TSPEAR: variants seen among roughly 807,000 people sequenced by gnomAD.
TSPEAR encodes the protein thrombospondin type laminin G domain and EAR repeats.
In TSPEAR, 69 loss-of-function variants were observed where a neutral mutation model predicts 71.6. The ratio of observed to expected loss-of-function variants is 0.96; its 90% CI spans 0.79 to 1.18. The LOEUF is 1.18. TSPEAR is among the 50% of genes most tolerant of loss of function. The pLI is 0.00. For synonymous variants in TSPEAR, 402 were observed against 387.2 expected, an observed-to-expected ratio of 1.04 and a Z score of -0.45; for missense variants, 971 against 894.9, an observed-to-expected ratio of 1.09 and a Z score of -1.09.
At chr21:44,706,770 G>A (rs1555952469) in intron 1 of TSPEAR, among the ~76,000 whole-genome samples, 3 of 152,150 alleles carry the variant, frequency 2.0e-5, no homozygotes, top group African/African-American at 4.8e-5. Flanking sequence ...GAAGCGAGGC[G>A]AGCTTCTCTT....
chr21:44,673,725 T>G (rs587600321), intron 1 of TSPEAR, among the ~76,000 whole-genome samples: 8 of 152,208 alleles, frequency 5.3e-5, no homozygotes, highest in African/African-American at 1.4e-4. Flanking sequence ...AAAACAAGTC[T>G]CAACTAACTT....
At position 44,711,003 on chromosome 21, in the gene TSPEAR, G is replaced by A. The variant is rs566094580; in HGVS notation, c.82+430C>T. Among the ~76,000 whole-genome samples, 12 of 152,314 alleles carry A rather than the reference G, an allele frequency of 7.9e-5. No homozygotes were observed. The highest frequency in any genetic ancestry group is 1.5e-4 in the Non-Finnish European group (10 of 68,026). On this transcript the variant is annotated intron_variant, in intron 1 of 11. Transcript: ENST00000323084. The surrounding 1 kb of genome is among the most constrained non-coding windows in gnomAD (Gnocchi z 4.5). ...AGGAGCAGGGCCGGTGTGGCCCTTC[G>A]CTTTGCTGAGTGCAGGCTGGGGGCA...
At chr21:44,650,005 C>G (rs957739824) in intron 1 of TSPEAR, among the ~76,000 whole-genome samples, 1 of 152,136 alleles carries the variant, frequency 6.6e-6, no homozygotes, top group Non-Finnish European at 1.5e-5. Context: ...GAGGACCACT[C>G]GAGCCCAGGA....
At chr21:44,679,144 C>G (rs1398601045) in intron 1 of TSPEAR, among the ~76,000 whole-genome samples, 1 of 152,126 alleles carries the variant, frequency 6.6e-6, no homozygotes, top group Non-Finnish European at 1.5e-5. Flanking sequence ...TACCACCACC[C>G]AAGACACAGA....
At chr21:44,599,681 A>G (rs1164386378) in intron 1 of TSPEAR, among the ~76,000 whole-genome samples, 2 of 152,264 alleles carry the variant, frequency 1.3e-5, no homozygotes, top group East Asian at 3.8e-4. Flanking sequence ...ACAATTGGAA[A>G]CATTTAGCAG....
chr21:44,660,620 C>A (rs374790211), intron 1 of TSPEAR, among the ~76,000 whole-genome samples: 60 of 152,326 alleles, frequency 3.9e-4, no homozygotes, highest in Middle Eastern at 3.4e-3. Context: ...TAAAAAATTT[C>A]TTTGAGCCAA....
intron 1 of TSPEAR, chr21:44,666,147 A>G (rs782305960): frequency 3.3e-5 from 13 of 399,794 alleles, no homozygotes; most frequent in Non-Finnish European, 5.8e-5. Flanking sequence ...AATAGATAGC[A>G]GGGAGTATGG....
intron 8 of TSPEAR, among the ~76,000 whole-genome samples, chr21:44,525,147 CAGGT>C (rs1427293126): frequency 6.6e-6 from 1 of 151,052 alleles, no homozygotes; most frequent in Admixed American, 6.6e-5. Flanking sequence ...GTCAGACAGT[CAGGT>C]AGTTAGTCAG....
rs1355958111 is a variant in TSPEAR at position 44,520,794 on chromosome 21, C to G, written c.1566+1089G>C. On this transcript the variant is annotated intron_variant, in intron 9 of 11. Coordinates refer to ENST00000323084, the MANE Select transcript of TSPEAR (RefSeq NM_144991.3). This position sits in a 1 kb window ranked among gnomAD's most constrained non-coding sequence, Gnocchi z 4.2. ...TTATGTATGGAATGTTCCAGAATGC[C>G]TTCAATCATTTCAGCCATAAAGCCC... 1 of 152,264 alleles carries G rather than the reference C, an allele frequency of 6.6e-6. No homozygotes were observed. Among genetic ancestry groups the G allele is most frequent in the Non-Finnish European group, 1.5e-5 (1 of 68,070 alleles). 9.4% of individuals were successfully genotyped at this position (152,264 alleles called of 1,614,324 possible). A position where few individuals can be genotyped will look rare whatever the true frequency, so the allele number is the denominator to read the frequency against.
intron 1 of TSPEAR, among the ~76,000 whole-genome samples, chr21:44,607,344 C>T (rs1287049485): frequency 2.6e-5 from 4 of 152,238 alleles, no homozygotes. Flanking sequence ...TCCCAAAGTG[C>T]TGGGATTACA....
At chr21:44,503,542 G>T (rs1601315742) in intron 11 of TSPEAR, among the ~76,000 whole-genome samples, 1 of 125,650 alleles carries the variant, frequency 8.0e-6, no homozygotes, top group East Asian at 2.5e-4. Flanking sequence ...CGGCCTTGGT[G>T]AGCCCACAGT....
intron 1 of TSPEAR, among the ~76,000 whole-genome samples, chr21:44,611,100 T>C (rs1981637622): frequency 6.6e-6 from 1 of 152,178 alleles, no homozygotes; most frequent in African/African-American, 2.4e-5. Context: ...TGTGGACTTT[T>C]GGGTTAATGC....
intron 2 of TSPEAR, chr21:44,558,794 C>A: frequency 6.6e-7 from 1 of 1,518,862 alleles, no homozygotes; most frequent in South Asian, 1.3e-5. Flanking sequence ...AGTGAGTGAT[C>A]GTGCCAGGCC....
intron 1 of TSPEAR, chr21:44,575,179 C>G: frequency 1.3e-6 from 1 of 796,888 alleles, no homozygotes; most frequent in Non-Finnish European, 2.0e-6. Flanking sequence ...TGCTGCAGCC[C>G]TCTTGCGGGG....
chr21:44,575,107 T>C lies in TSPEAR; in HGVS notation c.83-7102A>G, dbSNP rs1978345423. 4 of 1,226,078 alleles carry C rather than the reference T, an allele frequency of 3.3e-6. No individual in the cohort carries two copies. The African/African-American group carries it at 6.1e-5, about 19-fold the overall frequency. 75.9% of individuals were successfully genotyped at this position (1,226,078 alleles called of 1,614,324 possible). On this transcript the variant is annotated intron_variant, in intron 1 of 11. Coordinates refer to ENST00000323084, the MANE Select transcript of TSPEAR (RefSeq NM_144991.3). The stretch of plus-strand genomic sequence containing the variant: ...CGCGTCCTGAATTGCTCCTGCACTT[T>C]GACCATTTCCTGGTGTCTGCTGTTG...
At chr21:44,678,085 A>G (rs1986407722) in intron 1 of TSPEAR, 1 of 663,076 alleles carries the variant, frequency 1.5e-6, no homozygotes, top group Admixed American at 2.3e-5. Flanking sequence ...GGCCCGCAGT[A>G]TCTGTCGAGC....
chr21:44,601,218 C>T (rs782754568), intron 1 of TSPEAR: 14 of 1,606,184 alleles, frequency 8.7e-6, no homozygotes, highest in Middle Eastern at 1.7e-4. Flanking sequence ...GCCAATCAGG[C>T]TGCATCAGCT....
intron 1 of TSPEAR, among the ~76,000 whole-genome samples, chr21:44,608,199 G>C (rs587640174): frequency 6.6e-6 from 1 of 152,194 alleles, no homozygotes; most frequent in Non-Finnish European, 1.5e-5. Flanking sequence ...ACCTTTTACA[G>C]CATGTAATCA....
Position 44,521,923 on chromosome 21 carries a change from A to G in TSPEAR, c.1526T>C (p.Ile509Thr), listed in dbSNP as rs782579159. 1.2e-6 allele frequency: 2 copies of G among 1,613,932 alleles called. No individual in the cohort carries two copies. Among genetic ancestry groups the G allele is most frequent in the Admixed American group, 1.7e-5 (1 of 60,016 alleles). Residue 509 changes from isoleucine (I) to threonine (T), a missense_variant, in exon 9 of 12, where the codon ATC (isoleucine) becomes ACC (threonine). Coordinates refer to ENST00000323084, the MANE Select transcript of TSPEAR (RefSeq NM_144991.3). ...TSTKVHSHLY[I>T]RLLGSFQLFQ... is the part of the protein sequence containing the mutation. ...GAGCTGGAAGGAGCCCAGGAGTCGG[A>G]TGTAGAGGTGCGAGTGCACCTTGGT...
Sources: allele counts gnomAD v4.1 joint callset (sites outside exome capture counted in the v4.1 genomes callset), GRCh38; gene constraint gnomAD v4.1.1; non-coding constraint Gnocchi (gnomAD v3.1); transcripts MANE v1.5; gene names NCBI Gene and HGNC (gene_info 2026-07-23, HGNC 2026-07-21).